Variants in MAGI2 observed in about 807,000 individuals in gnomAD.
MAGI2 encodes the protein membrane associated guanylate kinase, WW and PDZ domain containing 2.
MAGI2 carries 35 observed loss-of-function variants against 133.3 expected under a neutral mutation model. The ratio of observed to expected loss-of-function variants is 0.26; its 90% CI spans 0.20 to 0.35. The LOEUF (loss-of-function observed/expected upper bound fraction) is 0.35. Ranked by LOEUF, MAGI2 falls within the 10% of genes least tolerant of loss-of-function variation. The pLI is 1.00. For missense variants in MAGI2, 1,636 were observed against 1,863.4 expected (o/e 0.88, Z 2.25); for synonymous variants, 729 against 710.6 (o/e 1.03, Z -0.41).
intron 18 of MAGI2, among the ~76,000 whole-genome samples, chr7:78,129,618 A>C (rs7808611): frequency 0.86 from 130,334 of 152,142 alleles, 56,225 homozygotes; most frequent in African/African-American, 0.91. Flanking sequence ...AAATGCTGCC[A>C]ATGGTGAGAA....
chr7:78,359,229 G>A (rs916746877), intron 7 of MAGI2: 7 of 152,254 alleles, frequency 4.6e-5, no homozygotes, highest in Admixed American at 1.3e-4. Flanking sequence ...AGGGAGCCCC[G>A]CCTCGTGAAA....
intron 2 of MAGI2, among the ~76,000 whole-genome samples, chr7:78,759,769 T>C (rs1435485841): frequency 4.6e-5 from 7 of 152,228 alleles, no homozygotes; most frequent in Non-Finnish European, 1.0e-4. Flanking sequence ...TGTGATTCTT[T>C]TATCACACAT....
At chr7:79,343,589 A>AT in intron 1 of MAGI2, among the ~76,000 whole-genome samples, 1 of 151,106 alleles carries the variant, frequency 6.6e-6, no homozygotes, top group Non-Finnish European at 1.5e-5. Context: ...GCTAATTATT[A>AT]TTTTTTAATT....
At chr7:78,196,962 A>G (rs1007587085) in intron 11 of MAGI2, among the ~76,000 whole-genome samples, 3 of 152,248 alleles carry the variant, frequency 2.0e-5, no homozygotes, top group African/African-American at 7.2e-5. Context: ...ATCCTGGGTC[A>G]GAACCACCCT....
rs1801143957 is a variant in MAGI2, at chr7:78,568,193, C to T, written c.539-46548G>A. The stretch of plus-strand genomic sequence containing the variant: ...TAAATGTTTAAATCTGAGGATTGGT[C>T]TTTAGACTACTTCACTTCTCTATCT... On this transcript the variant is annotated intron_variant, in intron 3 of 21. Transcript: ENST00000354212. 2.0e-5 allele frequency: 3 copies of T among 152,322 alleles called. No individual in the cohort carries two copies. The South Asian group carries it at 6.2e-4, about 32-fold the overall frequency. The allele number at this position is 152,322 out of a possible 1,614,324, so 9.4% of individuals were successfully genotyped here. A position where few individuals can be genotyped will look rare whatever the true frequency, so the allele number is the denominator to read the frequency against.
chr7:78,630,070 AC>A (rs1377879429), intron 2 of MAGI2, among the ~76,000 whole-genome samples: 5 of 151,998 alleles, frequency 3.3e-5, no homozygotes, highest in African/African-American at 1.2e-4. Flanking sequence ...TAAAAAGCAG[AC>A]CCTCATCACC....
At chr7:79,092,109 T>A (rs1562880369) in intron 1 of MAGI2, among the ~76,000 whole-genome samples, 1 of 152,160 alleles carries the variant, frequency 6.6e-6, no homozygotes, top group Non-Finnish European at 1.5e-5. Context: ...AGTTCCACAT[T>A]TTTTGTTAAC....
At chr7:79,259,388 T>C (rs1029994066) in intron 1 of MAGI2, among the ~76,000 whole-genome samples, 1 of 152,226 alleles carries the variant, frequency 6.6e-6, no homozygotes, top group African/African-American at 2.4e-5. Context: ...CTGTTTGTTA[T>C]ATCAAGATTG....
chr7:78,364,920 G>A (rs1441463481), intron 7 of MAGI2, among the ~76,000 whole-genome samples: 8 of 152,176 alleles, frequency 5.3e-5, no homozygotes, highest in South Asian at 2.1e-4. Flanking sequence ...GCACCATCAC[G>A]GATTTGGTGT....
At chr7:79,227,344 T>C (rs921837004) in intron 1 of MAGI2, among the ~76,000 whole-genome samples, 3 of 152,164 alleles carry the variant, frequency 2.0e-5, no homozygotes, top group African/African-American at 7.2e-5. Context: ...GTTGTTGTCT[T>C]ACTCTCAATA....
At chr7:78,603,176 A>G (rs1805394472) in intron 3 of MAGI2, among the ~76,000 whole-genome samples, 1 of 152,226 alleles carries the variant, frequency 6.6e-6, no homozygotes, top group South Asian at 2.1e-4. Flanking sequence ...GTAAAGTACT[A>G]AAATCTTTCA....
intron 2 of MAGI2, among the ~76,000 whole-genome samples, chr7:78,742,350 A>C (rs1040934975): frequency 6.6e-6 from 1 of 152,116 alleles, no homozygotes; most frequent in African/African-American, 2.4e-5. Context: ...CTCCAGAGAA[A>C]CTGATTCTTC....
intron 1 of MAGI2, among the ~76,000 whole-genome samples, chr7:79,377,981 G>A (rs142707831): frequency 6.6e-6 from 1 of 151,848 alleles, no homozygotes; most frequent in Non-Finnish European, 1.5e-5. Context: ...GCTGAACAGT[G>A]CGTGATTCAG....
Position 78,212,569 on chromosome 7 carries a change from G to T in MAGI2, c.2048-11376C>A, listed in dbSNP as rs140142253. On this transcript the variant is annotated intron_variant, in intron 10 of 21. Transcript: ENST00000354212. Reference sequence around the variant, plus strand: ...CTGTTGTGCTGACATTTTGATTTTAGCCCAGTGACATCTGTGCTGGATTTC... The same window carrying T: ...CTGTTGTGCTGACATTTTGATTTTATCCCAGTGACATCTGTGCTGGATTTC... 1.0e-3 allele frequency among the ~76,000 whole-genome samples: 154 copies of T among 152,270 alleles called. No individual in the cohort carries two copies. In the Middle Eastern group the frequency reaches 0.024, roughly 24 times the overall value.
At chr7:79,079,707 T>A (rs1302210986) in intron 1 of MAGI2, among the ~76,000 whole-genome samples, 1 of 152,114 alleles carries the variant, frequency 6.6e-6, no homozygotes, top group East Asian at 1.9e-4. Flanking sequence ...GATTCAAAAA[T>A]TTCTAAATAG....
intron 2 of MAGI2, among the ~76,000 whole-genome samples, chr7:78,704,685 T>C (rs1398372810): frequency 1.3e-5 from 2 of 151,838 alleles, no homozygotes; most frequent in African/African-American, 4.8e-5. Context: ...TAAGGAAAAG[T>C]TAGTATATAT....
At chr7:79,444,287 C>G (rs1345331558) in intron 1 of MAGI2, among the ~76,000 whole-genome samples, 1 of 152,104 alleles carries the variant, frequency 6.6e-6, no homozygotes, top group Admixed American at 6.5e-5. Context: ...CACTCCTATT[C>G]AACATAGTGT....
chr7:78,095,952 T>C (rs1365338231), intron 20 of MAGI2, among the ~76,000 whole-genome samples: 1 of 152,234 alleles, frequency 6.6e-6, no homozygotes, highest in African/African-American at 2.4e-5. Flanking sequence ...TATCTGTTAA[T>C]TTTAATTACT....
intron 3 of MAGI2, among the ~76,000 whole-genome samples, chr7:78,545,373 C>T (rs923536830): frequency 1.6e-4 from 24 of 151,858 alleles, no homozygotes; most frequent in African/African-American, 2.4e-4. Flanking sequence ...CCACCATGCC[C>T]GGCTAATTTT....
Sources: allele counts gnomAD v4.1 joint callset (sites outside exome capture counted in the v4.1 genomes callset), GRCh38; gene constraint gnomAD v4.1.1; transcripts MANE v1.5; gene names NCBI Gene and HGNC (gene_info 2026-07-23, HGNC 2026-07-21).